ABCB7: variants seen among roughly 807,000 people sequenced by gnomAD.
The protein encoded by ABCB7 is ATP binding cassette subfamily B member 7.
ABCB7 carries 7 observed loss-of-function variants against 54.4 expected under a neutral mutation model. The ratio of observed to expected loss-of-function variants is 0.13; its 90% confidence interval spans 0.07 to 0.24. ABCB7 has a LOEUF of 0.24. Among genes scored for constraint, ABCB7 ranks in the 10% least tolerant of loss-of-function variants. The pLI, the probability that ABCB7 is intolerant of heterozygous loss-of-function variation, is 1.00. For missense variants in ABCB7, 356 were observed against 570.4 expected (o/e 0.62, Z 3.83); for synonymous variants, 218 against 207.1 (o/e 1.05, Z -0.45).
At chrX:75,130,949 A>G (rs1351937606) in intron 1 of ABCB7, among the ~76,000 whole-genome samples, 1 of 111,467 alleles carries the variant, frequency 9.0e-6, no homozygotes, top group Non-Finnish European at 1.9e-5. Flanking sequence ...GATTCATTGT[A>G]CAAAAATTAA....
chrX:75,122,492 A>G (rs1189161572), intron 1 of ABCB7, among the ~76,000 whole-genome samples: 1 of 112,872 alleles, frequency 8.9e-6, no homozygotes, highest in Non-Finnish European at 1.9e-5. Flanking sequence ...GGGCATGCAG[A>G]CATCTCTTTG....
intron 4 of ABCB7, among the ~76,000 whole-genome samples, chrX:75,079,162 T>C (rs921399583): frequency 8.9e-6 from 1 of 112,260 alleles, no homozygotes; most frequent in African/African-American, 3.2e-5. Context: ...CGTGTGAGTG[T>C]CATCTGCATT....
Position 75,083,711 on chromosome X carries a change from A to AATAT in ABCB7, c.454-7061_454-7058dup, listed in dbSNP as rs34534753. On this transcript the variant is annotated intron_variant, in intron 4 of 15. Transcript: ENST00000373394. ...CTTTAAAACTTACTATAAAACTACA[A>AATAT]ATATATATATATATATAAAATATAA... Among the ~76,000 whole-genome samples the AATAT allele has an allele frequency of 7.3e-4, 77 of 105,485 alleles. 1 individual carries two copies. The highest frequency in any genetic ancestry group is 2.4e-3 in the African/African-American group (70 of 28,629). The allele number at this position is 105,485 out of a possible 115,157, so 91.6% of individuals were successfully genotyped here.
At chrX:75,100,082 A>T (rs1365679161) in intron 3 of ABCB7, among the ~76,000 whole-genome samples, 6 of 108,940 alleles carry the variant, frequency 5.5e-5, no homozygotes, top group African/African-American at 2.0e-4. Flanking sequence ...AATTTATGCT[A>T]AAAAAAAACC....
At chrX:75,126,041 T>C (rs2081923759) in intron 1 of ABCB7, among the ~76,000 whole-genome samples, 1 of 111,720 alleles carries the variant, frequency 9.0e-6, no homozygotes, top group Non-Finnish European at 1.9e-5. Context: ...TTTCACAAAA[T>C]GCCAGAAAGA....
chrX:75,079,654 T>C (rs2081439812), intron 4 of ABCB7, among the ~76,000 whole-genome samples: 1 of 111,948 alleles, frequency 8.9e-6, no homozygotes, highest in Non-Finnish European at 1.9e-5. Context: ...CACATTACCG[T>C]TAACTACTGG....
At position 75,156,134 on chromosome X, in the gene ABCB7, C is replaced by T; in HGVS notation, c.139G>A (p.Gly47Ser). ...SGPQWRPHQL[G>S]ALGTARAYQI... is the part of the protein sequence containing the mutation. ...TAGGCTCGAGCGGTTCCCAAGGCGCCGAGTTGATGTGGCCTCCACTGCGGA... is the reference window on the plus strand; with the variant it reads ...TAGGCTCGAGCGGTTCCCAAGGCGCTGAGTTGATGTGGCCTCCACTGCGGA... The change falls in exon 1 of 16, where the codon GGC becomes AGC. Residue 47 changes from glycine (G) to serine (S), a missense_variant. Gly to Ser is a moderately conservative substitution (Grantham distance 56). Transcript: ENST00000373394. 8.3e-7 allele frequency: 1 copy of T among 1,209,701 alleles called. No individual in the cohort carries two copies. The highest frequency in any genetic ancestry group is 1.8e-5 in the South Asian group (1 of 56,415).
rs201716576 is a variant in ABCB7 at position 75,067,234 on chromosome X, C to A, written c.1659+1773G>T. ...CAATCTGATAGGTGAAAAAATGACACGTATCCTGTTGTTGATTTAATTTAT... is the reference window on the plus strand; with the variant it reads ...CAATCTGATAGGTGAAAAAATGACAAGTATCCTGTTGTTGATTTAATTTAT... On this transcript the variant is annotated intron_variant, in intron 12 of 15. Transcript: ENST00000373394. Among the ~76,000 whole-genome samples the A allele has an allele frequency of 7.2e-5, 8 of 111,462 alleles. No individual in the cohort carries two copies. The East Asian group carries it at 1.7e-3, about 24-fold the overall frequency.
chrX:75,148,864 G>A (rs1405452458), intron 1 of ABCB7, among the ~76,000 whole-genome samples: 1 of 111,537 alleles, frequency 9.0e-6, no homozygotes, highest in Admixed American at 9.6e-5. Context: ...TATGGCAAAC[G>A]TAGCAGGCAA....
intron 1 of ABCB7, among the ~76,000 whole-genome samples, chrX:75,149,781 T>C (rs2082118345): frequency 9.0e-6 from 1 of 111,082 alleles, no homozygotes. Flanking sequence ...TTATAAGGAA[T>C]GGTTTCAGGG....
At chrX:75,153,971 G>C (rs1464954327) in intron 1 of ABCB7, among the ~76,000 whole-genome samples, 1 of 108,932 alleles carries the variant, frequency 9.2e-6, no homozygotes, top group African/African-American at 3.3e-5. Flanking sequence ...ATATACTAAT[G>C]ATCGTCCTAA....
intron 1 of ABCB7, among the ~76,000 whole-genome samples, chrX:75,138,343 TA>T (rs772449040): frequency 3.5e-4 from 39 of 112,195 alleles, no homozygotes; most frequent in Admixed American, 6.6e-4. Flanking sequence ...TATTTATACA[TA>T]TACGTATGTA....
intron 3 of ABCB7, among the ~76,000 whole-genome samples, chrX:75,103,227 C>T (rs1452936378): frequency 9.0e-6 from 1 of 111,276 alleles, no homozygotes; most frequent in Non-Finnish European, 1.9e-5. Flanking sequence ...CCTATTTTTT[C>T]TTCCAGTAGT....
chrX:75,061,852 A>G (rs2081284519), intron 14 of ABCB7, among the ~76,000 whole-genome samples: 1 of 112,387 alleles, frequency 8.9e-6, no homozygotes, highest in Admixed American at 9.4e-5. Context: ...ACAAATTGAT[A>G]CCAGCACTGC....
chrX:75,075,803 A>G (rs1365669290), intron 5 of ABCB7, among the ~76,000 whole-genome samples, 173 bp from the exon 6 acceptor site: 2 of 112,141 alleles, frequency 1.8e-5, no homozygotes, highest in Non-Finnish European at 3.8e-5. Context: ...ATGAGTATTA[A>G]CTTTTCCACC....
chrX:75,073,244 TTTATCA>T (rs1430671111), intron 8 of ABCB7, among the ~76,000 whole-genome samples: 3 of 112,056 alleles, frequency 2.7e-5, no homozygotes, highest in Non-Finnish European at 5.6e-5. Flanking sequence ...AACATACTAG[TTTATCA>T]TTATCAAATA....
intron 1 of ABCB7, among the ~76,000 whole-genome samples, chrX:75,117,962 T>C (rs1385080104): frequency 8.9e-6 from 1 of 112,328 alleles, no homozygotes; most frequent in East Asian, 2.8e-4. Context: ...GTTTAGCTCC[T>C]CTGTAAAATT....
intron 4 of ABCB7, among the ~76,000 whole-genome samples, chrX:75,096,368 G>T (rs1345564492): frequency 8.9e-6 from 1 of 111,879 alleles, no homozygotes; most frequent in Non-Finnish European, 1.9e-5. Context: ...ACTCAACAGA[G>T]ATTACAGATG....
chrX:75,144,329 T>C (rs1211657846), intron 1 of ABCB7, among the ~76,000 whole-genome samples: 1 of 112,058 alleles, frequency 8.9e-6, no homozygotes, highest in Non-Finnish European at 1.9e-5. Flanking sequence ...CTTAGCCACA[T>C]GTGGCTATTG....
Sources: gnomAD v4.1 joint callset for allele counts (sites outside exome capture counted in the v4.1 genomes callset) on GRCh38, gnomAD v4.1.1 for gene constraint, MANE v1.5 for transcripts, NCBI Gene and HGNC (gene_info 2026-07-23, HGNC 2026-07-21) for gene names.